The following TGFBR3 variants were observed in gnomAD, a reference collection of about 807,000 sequenced individuals.
TGFBR3 encodes transforming growth factor beta receptor 3, also known as transforming growth factor beta receptor type 3.
A neutral mutation model predicts 87.9 loss-of-function variants in TGFBR3; 46 were observed. The observed-to-expected ratio is 0.52, with a 90% CI of 0.41 to 0.67. The LOEUF is 0.67. Ranked by LOEUF, TGFBR3 falls within the 30% of genes least tolerant of loss-of-function variation. TGFBR3 has a pLI of 0.00. For synonymous variants in TGFBR3, 381 were observed against 391.6 expected, an observed-to-expected ratio of 0.97 and a Z score of 0.32; for missense variants, 866 against 1,041.9, an observed-to-expected ratio of 0.83 and a Z score of 2.32.
chr1:91,703,801 T>A (rs1671702033), intron 14 of TGFBR3, among the ~76,000 whole-genome samples: 1 of 152,222 alleles, frequency 6.6e-6, no homozygotes, highest in South Asian at 2.1e-4. Context: ...TGTTTTGTCA[T>A]AAACCATAAT....
Position 91,734,815 on chromosome 1 carries a change from G to A in TGFBR3, c.529C>T (p.Leu177Phe). 6.2e-7 allele frequency: 1 copy of A among 1,614,182 alleles called. No homozygotes were observed. Among genetic ancestry groups the A allele is most frequent in the African/African-American group, 1.3e-5 (1 of 75,062 alleles). ...ATATAAATGTTTCTTGCTATCTTGAGTTCGGTGAATGAAGTAACTGCTCCA... is the reference window on the plus strand; with the variant it reads ...ATATAAATGTTTCTTGCTATCTTGAATTCGGTGAATGAAGTAACTGCTCCA... ...EYGAVTSFTE[L>F]KIARNIYIKV... The change falls in exon 5 of 17, where the codon CTC becomes TTC. Residue 177 changes from leucine (L) to phenylalanine (F), a missense_variant. By Grantham distance (22) the Leu-to-Phe change is conservative. Coordinates refer to ENST00000212355, the MANE Select transcript of TGFBR3 (RefSeq NM_003243.5).
intron 7 of TGFBR3, 100 bp from the exon 8 acceptor site, chr1:91,722,244 A>G: frequency 1.0e-6 from 1 of 998,606 alleles, no homozygotes; most frequent in Non-Finnish European, 1.5e-6. Context: ...TATATTGTAT[A>G]TGAGGGAATT....
chr1:91,866,575 A>T (rs1406071735), intron 1 of TGFBR3, among the ~76,000 whole-genome samples: 2 of 152,206 alleles, frequency 1.3e-5, no homozygotes, highest in African/African-American at 4.8e-5. Context: ...TTCTCACAAG[A>T]CATTTAATTT....
chr1:91,779,291 A>T (rs1454317280), intron 3 of TGFBR3, among the ~76,000 whole-genome samples: 1 of 152,236 alleles, frequency 6.6e-6, no homozygotes, highest in African/African-American at 2.4e-5. Context: ...CACTGTTCTA[A>T]GCACCAGTCA....
intron 6 of TGFBR3, 45 bp downstream of exon 6, chr1:91,729,760 T>C (rs764773184): frequency 5.0e-6 from 8 of 1,611,662 alleles, no homozygotes; most frequent in East Asian, 2.2e-5. Flanking sequence ...AAGGAAGATC[T>C]TTACTTTCAT....
chr1:91,710,513 A>G (rs1238192929), intron 13 of TGFBR3, among the ~76,000 whole-genome samples: 1 of 152,196 alleles, frequency 6.6e-6, no homozygotes, highest in African/African-American at 2.4e-5. Flanking sequence ...AGCAAAGGGC[A>G]GGGTTGGTCT....
At chr1:91,893,142 TG>T (rs903444506) in intron 2 of TGFBR3, among the ~76,000 whole-genome samples, 1 of 152,218 alleles carries the variant, frequency 6.6e-6, no homozygotes. Flanking sequence ...AAGGCCGTGT[TG>T]TAAGTTTGGG....
At chr1:91,795,218 T>G (rs1278425154) in intron 3 of TGFBR3, among the ~76,000 whole-genome samples, 1 of 152,234 alleles carries the variant, frequency 6.6e-6, no homozygotes. Flanking sequence ...ATCTAATTCT[T>G]AAAGGTCCGT....
rs1211068663 is a variant in TGFBR3, at chr1:91,734,921, G to A, written c.423C>T (p.Asn141=). 6.2e-7 allele frequency: 1 copy of A among 1,614,100 alleles called. No homozygotes were observed. The highest frequency in any genetic ancestry group is 8.5e-7 in the Non-Finnish European group (1 of 1,180,022). The change falls in exon 5 of 17, where the codon AAC becomes AAT. Residue 141 remains asparagine (N), a synonymous_variant. Transcript: ENST00000212355. ...CTTCTGTTTCTGCTGTCAAGGAGAA[G>A]TTTGCTGATGAAAACTGGACCACAG... is the stretch of plus-strand genomic sequence containing the variant. ...EGSVVQFSSA[N]FSLTAETEER...
At chr1:91,753,584 G>GT (rs1364908930) in intron 4 of TGFBR3, among the ~76,000 whole-genome samples, 1 of 151,940 alleles carries the variant, frequency 6.6e-6, no homozygotes, top group Non-Finnish European at 1.5e-5. Flanking sequence ...AAGAAATCTC[G>GT]TATCATTAGT....
chr1:91,901,941 A>AG (rs1157272574), intron 1 of TGFBR3, among the ~76,000 whole-genome samples: 1 of 123,678 alleles, frequency 8.1e-6, no homozygotes, highest in Non-Finnish European at 1.8e-5. Flanking sequence ...CCCCACCAAA[A>AG]GAAAAAAAAA....
At chr1:91,802,931 C>G (rs1273062769) in intron 2 of TGFBR3, among the ~76,000 whole-genome samples, 1 of 152,174 alleles carries the variant, frequency 6.6e-6, no homozygotes, top group Admixed American at 6.5e-5. Context: ...GACCCCTCCT[C>G]TCCATCTCCA....
chr1:91,696,647 A>G (rs528152357), intron 15 of TGFBR3, among the ~76,000 whole-genome samples: 1 of 152,284 alleles, frequency 6.6e-6, no homozygotes, highest in South Asian at 2.1e-4. Context: ...ATTGGTTTCC[A>G]AGGGGGAGGA....
chr1:91,681,578 A>G lies in TGFBR3; in HGVS notation c.*2161T>C, dbSNP rs1050889249. ...AATCTTTTAATATCTCCTAATAGCT[A>G]ATTTTCTTTTTAACACGATGGAAAA... On this transcript the variant is annotated 3_prime_UTR_variant, in exon 17 of 17. Coordinates refer to ENST00000212355, the MANE Select transcript of TGFBR3 (RefSeq NM_003243.5). 1 of 398,042 alleles carries G rather than the reference A, an allele frequency of 2.5e-6. No homozygotes were observed. The highest frequency in any genetic ancestry group is 4.8e-6 in the Non-Finnish European group (1 of 208,310). The allele number at this position is 398,042 out of a possible 1,614,324, so 24.7% of individuals were successfully genotyped here.
At chr1:91,837,669 C>T (rs1180709000) in intron 2 of TGFBR3, among the ~76,000 whole-genome samples, 1 of 152,158 alleles carries the variant, frequency 6.6e-6, no homozygotes, top group African/African-American at 2.4e-5. Flanking sequence ...TAAGTTTACA[C>T]ATATACATTA....
In TGFBR3 at chr1:91,899,255, A is replaced by G. The variant is rs568302871; in HGVS notation, c.-114+382T>C. Among the ~76,000 whole-genome samples the G allele has an allele frequency of 5.3e-5, 8 of 152,264 alleles. No homozygotes were observed. The South Asian group carries it at 1.5e-3, about 28-fold the overall frequency. The stretch of plus-strand genomic sequence containing the variant: ...AAATGTCAGCTGGGTGCCATGGTTT[A>G]TGCTATAACCCCTGCACTTTGGAAA... On this transcript the variant is annotated intron_variant, in intron 2 of 17. Coordinates refer to the TGFBR3 transcript ENST00000370399.
At chr1:91,840,600 T>A (rs1356556132) in intron 2 of TGFBR3, among the ~76,000 whole-genome samples, 1 of 152,114 alleles carries the variant, frequency 6.6e-6, no homozygotes, top group South Asian at 2.1e-4. Context: ...TACTGCCAAA[T>A]AAGACATATT....
At chr1:91,766,119 C>G (rs1199530571) in intron 3 of TGFBR3, among the ~76,000 whole-genome samples, 1 of 152,012 alleles carries the variant, frequency 6.6e-6, no homozygotes, top group Non-Finnish European at 1.5e-5. Flanking sequence ...CCTTCAACTC[C>G]TCAAGTAATC....
chr1:91,841,945 C>T (rs1677303966), intron 2 of TGFBR3, among the ~76,000 whole-genome samples: 2 of 151,364 alleles, frequency 1.3e-5, no homozygotes, highest in African/African-American at 4.9e-5. Flanking sequence ...CCAAAAAATA[C>T]AAAAAATTAG....
Sources: allele counts gnomAD v4.1 joint callset (sites outside exome capture counted in the v4.1 genomes callset), GRCh38; gene constraint gnomAD v4.1.1; transcripts MANE v1.5; gene names NCBI Gene and HGNC (gene_info 2026-07-23, HGNC 2026-07-21).